Variants in IQCM observed in about 807,000 individuals in gnomAD.
The protein encoded by IQCM is IQ domain-containing protein M.
IQCM carries 45 observed loss-of-function variants against 57.6 expected under a neutral mutation model. The ratio of observed to expected loss-of-function variants is 0.78; its 90% confidence interval spans 0.62 to 1.00. The LOEUF is 1.00. Among genes scored for constraint, IQCM ranks in the 50% least tolerant of loss-of-function variants. IQCM has a pLI of 0.00. For missense variants in IQCM, 468 were observed against 511.6 expected, an observed-to-expected ratio of 0.91 and a Z score of 0.82; for synonymous variants, 148 against 158.9, an observed-to-expected ratio of 0.93 and a Z score of 0.51.
At chr4:149,480,770 T>C (rs1740693627) in intron 12 of IQCM, among the ~76,000 whole-genome samples, 1 of 152,204 alleles carries the variant, frequency 6.6e-6, no homozygotes, top group African/African-American at 2.4e-5. Flanking sequence ...ATTTTGGGTA[T>C]GTACCCAGCA....
At chr4:149,380,100 T>A (rs1185855731) in intron 13 of IQCM, among the ~76,000 whole-genome samples, 1 of 152,134 alleles carries the variant, frequency 6.6e-6, no homozygotes, top group African/African-American at 2.4e-5. Flanking sequence ...CCACATGGAA[T>A]TGTAAGTCCA....
In IQCM at chr4:149,398,899, AT is replaced by A. The variant is rs747175841; in HGVS notation, c.1390+34496del. On this transcript the variant is annotated intron_variant, in intron 13 of 13. Coordinates refer to ENST00000636793, the MANE Select transcript of IQCM (RefSeq NM_001363507.2). Reference sequence around the variant, plus strand: ...TTTTTGTTGTTGTTGTTTTCTTTTTATTTTTGTTTGTTTTTAGTAGAGACAA... The same window carrying A: ...TTTTTGTTGTTGTTGTTTTCTTTTTATTTTGTTTGTTTTTAGTAGAGACAA... 6.6e-5 allele frequency among the ~76,000 whole-genome samples: 10 copies of A among 151,592 alleles called. No homozygotes were observed. The East Asian group carries it at 2.0e-3, about 30-fold the overall frequency.
chr4:149,514,394 AT>A (rs1182687273), intron 12 of IQCM: 2 of 152,336 alleles, frequency 1.3e-5, no homozygotes, highest in African/African-American at 4.8e-5. Context: ...TACCTTCTTA[AT>A]GAGTATCACA....
At chr4:149,718,811 G>A (rs1765208158) in intron 5 of IQCM, among the ~76,000 whole-genome samples, 1 of 152,100 alleles carries the variant, frequency 6.6e-6, no homozygotes, top group South Asian at 2.1e-4. Context: ...TCTTTTGTCT[G>A]TAATCTCCCT....
At chr4:149,599,949 T>G (rs1754123612) in intron 8 of IQCM, among the ~76,000 whole-genome samples, 1 of 151,646 alleles carries the variant, frequency 6.6e-6, no homozygotes, top group Non-Finnish European at 1.5e-5. Flanking sequence ...ATACTTGTGT[T>G]CATATTGATG....
chr4:149,665,201 G>C (rs928145685), intron 7 of IQCM, among the ~76,000 whole-genome samples: 1 of 152,056 alleles, frequency 6.6e-6, no homozygotes, highest in African/African-American at 2.4e-5. Context: ...TTAAATCATA[G>C]GAAAGGAAGG....
chr4:149,455,687 C>T (rs564281423), intron 12 of IQCM, among the ~76,000 whole-genome samples: 1 of 152,164 alleles, frequency 6.6e-6, no homozygotes, highest in South Asian at 2.1e-4. Context: ...TAAAATAAGC[C>T]AGGCATGGTG....
At chr4:149,558,568 C>T (rs887809833) in intron 10 of IQCM, among the ~76,000 whole-genome samples, 7 of 151,936 alleles carry the variant, frequency 4.6e-5, no homozygotes, top group Non-Finnish European at 1.0e-4. Flanking sequence ...GTAGTAAGTG[C>T]CATGAAGAAC....
At chr4:149,654,260 C>A (rs753504333) in intron 7 of IQCM, among the ~76,000 whole-genome samples, 1 of 152,080 alleles carries the variant, frequency 6.6e-6, no homozygotes, top group African/African-American at 2.4e-5. Flanking sequence ...GGATCTGTGT[C>A]CCCACCAAAT....
chr4:149,625,188 A>G (rs1319819303), intron 7 of IQCM, among the ~76,000 whole-genome samples: 1 of 152,210 alleles, frequency 6.6e-6, no homozygotes, highest in Non-Finnish European at 1.5e-5. Context: ...ATTAGTTTAA[A>G]TTTTAGAATT....
At chr4:149,391,405 T>C (rs1462807636) in intron 13 of IQCM, among the ~76,000 whole-genome samples, 1 of 151,938 alleles carries the variant, frequency 6.6e-6, no homozygotes, top group Non-Finnish European at 1.5e-5. Flanking sequence ...AACTAAAGAT[T>C]GGTAGCTTTT....
At chr4:149,737,219 T>C (rs61161233) in intron 3 of IQCM, among the ~76,000 whole-genome samples, 308 of 152,314 alleles carry the variant, frequency 2.0e-3, no homozygotes, top group Middle Eastern at 0.017. Context: ...AGGAAATTTC[T>C]GGAGTGATGG....
At chr4:149,537,491 A>C (rs559115990) in intron 12 of IQCM, among the ~76,000 whole-genome samples, 4 of 152,078 alleles carry the variant, frequency 2.6e-5, no homozygotes, top group African/African-American at 9.6e-5. Flanking sequence ...AAGTGTACTA[A>C]CATAAGTATA....
intron 13 of IQCM, among the ~76,000 whole-genome samples, chr4:149,410,485 A>G (rs1214861428): frequency 6.7e-6 from 1 of 149,720 alleles, no homozygotes; most frequent in South Asian, 2.1e-4. Flanking sequence ...ATATCAATAT[A>G]TGATATATAT....
At chr4:149,428,040 C>T (rs193001159) in intron 13 of IQCM, among the ~76,000 whole-genome samples, 15 of 151,868 alleles carry the variant, frequency 9.9e-5, no homozygotes, top group Admixed American at 9.2e-4. Context: ...ATTTTGTATA[C>T]TCGAGCAGAT....
intron 7 of IQCM, among the ~76,000 whole-genome samples, chr4:149,639,425 TAAA>T (rs1284156035): frequency 5.0e-5 from 6 of 120,382 alleles, no homozygotes; most frequent in South Asian, 2.6e-4. Flanking sequence ...GATCCTGTCT[TAAA>T]AAAAAAAAAA....
At chr4:149,575,655 C>T (rs1222358556) in intron 9 of IQCM, among the ~76,000 whole-genome samples, 7 of 151,872 alleles carry the variant, frequency 4.6e-5, no homozygotes, top group African/African-American at 7.2e-5. Context: ...TCTAGGTCTA[C>T]GGAAATCTGT....
At chr4:149,644,591 T>G (rs1208063372) in intron 7 of IQCM, among the ~76,000 whole-genome samples, 1 of 152,180 alleles carries the variant, frequency 6.6e-6, no homozygotes, top group African/African-American at 2.4e-5. Flanking sequence ...TTGGTGACAT[T>G]TGAATTGTTA....
chr4:149,481,701 G>GTTTTTTTTTTTTTTTGTTTGTTTGTTT (rs1740837055), intron 12 of IQCM, among the ~76,000 whole-genome samples: 2 of 51,550 alleles, frequency 3.9e-5, no homozygotes, highest in African/African-American at 1.5e-4. Context: ...TTCCAGTTTT[G>GTTTTTTTTTTTTTTTGTTTGTTTGTTT]TTTTTTTTTT....
Sources: allele counts gnomAD v4.1 joint callset (sites outside exome capture counted in the v4.1 genomes callset), GRCh38; gene constraint gnomAD v4.1.1; transcripts MANE v1.5; gene names NCBI Gene and HGNC (gene_info 2026-07-23, HGNC 2026-07-21).